RPTOR: variants seen among roughly 807,000 people sequenced by gnomAD.
RPTOR encodes the protein regulatory-associated protein of mTOR.
Under a neutral mutation model 169.9 loss-of-function variants are expected in RPTOR, and 21 were observed. That is an observed-to-expected ratio of 0.12 (90% CI 0.09 to 0.18). RPTOR has a LOEUF of 0.18. Among genes scored for constraint, RPTOR ranks in the 10% least tolerant of loss-of-function variants. The pLI, the probability that RPTOR is intolerant of heterozygous loss-of-function variation, is 1.00. For synonymous variants in RPTOR, 732 were observed against 753.2 expected (o/e 0.97, Z 0.46); for missense variants, 1,133 against 1,855.9 (o/e 0.61, Z 7.16).
At chr17:80,679,003 C>T (rs1218947634) in intron 3 of RPTOR, among the ~76,000 whole-genome samples, 1 of 152,258 alleles carries the variant, frequency 6.6e-6, no homozygotes, top group Non-Finnish European at 1.5e-5. Context: ...TCTCGCTCTT[C>T]ACAAGAAGTG....
chr17:80,597,626 T>A (rs554603939), intron 1 of RPTOR, among the ~76,000 whole-genome samples: 2 of 152,158 alleles, frequency 1.3e-5, no homozygotes, highest in African/African-American at 4.8e-5. Context: ...TCCTGGCTCC[T>A]CAGCTACCTA....
intron 3 of RPTOR, among the ~76,000 whole-genome samples, chr17:80,694,416 C>T (rs967797382): frequency 1.3e-5 from 2 of 152,236 alleles, no homozygotes; most frequent in Non-Finnish European, 2.9e-5. Context: ...TTGCGTTGGT[C>T]GGCCTCCACA....
chr17:80,850,869 C>G (rs1222872338), intron 11 of RPTOR, among the ~76,000 whole-genome samples: 2 of 152,244 alleles, frequency 1.3e-5, no homozygotes, highest in East Asian at 1.9e-4. Flanking sequence ...AGAATCTTTT[C>G]TTATGAAGCA....
intron 6 of RPTOR, among the ~76,000 whole-genome samples, chr17:80,768,350 G>A (rs2066808746): frequency 1.3e-5 from 2 of 152,220 alleles, no homozygotes; most frequent in South Asian, 4.1e-4. Flanking sequence ...ACTTTTGTGA[G>A]AGTTTGAATG....
At chr17:80,676,755 A>T (rs1284549389) in intron 3 of RPTOR, among the ~76,000 whole-genome samples, 3 of 152,318 alleles carry the variant, frequency 2.0e-5, no homozygotes, top group Non-Finnish European at 1.5e-5. Flanking sequence ...CTGCAGCAGA[A>T]CCGGGCAGGC....
chr17:80,591,627 C>T (rs1377715530), intron 1 of RPTOR, among the ~76,000 whole-genome samples: 11 of 152,100 alleles, frequency 7.2e-5, no homozygotes. Context: ...AATCCACCTG[C>T]CTTAGCCTCC....
intron 6 of RPTOR, among the ~76,000 whole-genome samples, chr17:80,788,951 A>T (rs993896419): frequency 3.9e-5 from 6 of 152,260 alleles, no homozygotes; most frequent in African/African-American, 1.2e-4. Flanking sequence ...CAATTCTGGT[A>T]TAAAGAGAAT....
At position 80,857,840 on chromosome 17, in the gene RPTOR, G is replaced by T. The variant is rs199634293; in HGVS notation, c.1449G>T (p.Ser483=). 8 of 1,612,998 alleles carry T rather than the reference G, an allele frequency of 5.0e-6. No individual in the cohort carries two copies. The highest frequency in any genetic ancestry group is 1.1e-5 in the South Asian group (1 of 91,082). Residue 483 remains serine, a synonymous_variant, in exon 13 of 34, where the codon TCG becomes TCT. Coordinates refer to ENST00000306801, the MANE Select transcript of RPTOR (RefSeq NM_020761.3). ...FPYVLKLLQS[S]ARELRPLLVF... ...ACGTGCTGAAGCTGCTCCAGAGCTCGGCCCGAGAGCTGCGGCCACTTCTCG... is the reference window on the plus strand; with the variant it reads ...ACGTGCTGAAGCTGCTCCAGAGCTCTGCCCGAGAGCTGCGGCCACTTCTCG...
At chr17:80,656,535 T>C (rs1032382183) in intron 3 of RPTOR, among the ~76,000 whole-genome samples, 4 of 152,244 alleles carry the variant, frequency 2.6e-5, no homozygotes, top group Non-Finnish European at 5.9e-5. Context: ...CACAAAACCC[T>C]TCTATGTGCC....
intron 4 of RPTOR, among the ~76,000 whole-genome samples, chr17:80,717,234 T>C (rs933518386): frequency 1.3e-5 from 2 of 152,192 alleles, no homozygotes; most frequent in African/African-American, 4.8e-5. Flanking sequence ...GTGGTCTGTT[T>C]TTCTCCACAG....
chr17:80,843,351 G>A (rs559792540), intron 10 of RPTOR, among the ~76,000 whole-genome samples: 2 of 152,242 alleles, frequency 1.3e-5, no homozygotes, highest in East Asian at 3.9e-4. Context: ...GAACCCAGGG[G>A]CAGAGGTTGC....
intron 10 of RPTOR, among the ~76,000 whole-genome samples, chr17:80,843,135 C>A (rs971964535): frequency 1.3e-5 from 2 of 152,280 alleles, no homozygotes; most frequent in African/African-American, 2.4e-5. Flanking sequence ...CTGCAAAGAA[C>A]CTGCTGGATT....
chr17:80,849,797 C>T (rs1045974273), intron 11 of RPTOR, among the ~76,000 whole-genome samples: 5 of 152,192 alleles, frequency 3.3e-5, no homozygotes, highest in Non-Finnish European at 5.9e-5. Flanking sequence ...GGATTACAGG[C>T]GTGAACGACC....
intron 5 of RPTOR, among the ~76,000 whole-genome samples, chr17:80,743,869 G>C (rs2066521003): frequency 8.2e-6 from 1 of 121,252 alleles, no homozygotes; most frequent in Non-Finnish European, 1.8e-5. Flanking sequence ...CTGGCTACTA[G>C]CACAGCCCTG....
intron 7 of RPTOR, among the ~76,000 whole-genome samples, chr17:80,797,073 T>TC (rs1323998323): frequency 1.2e-4 from 18 of 152,350 alleles, no homozygotes; most frequent in African/African-American, 4.1e-4. Context: ...TGGATTTTGT[T>TC]CCCCAATTAT....
At position 80,964,185 on chromosome 17, in the gene RPTOR, G is replaced by A. The variant is rs989602344; in HGVS notation, c.3940-77G>A. 6 of 1,159,714 alleles carry A rather than the reference G, an allele frequency of 5.2e-6. No homozygotes were observed. The African/African-American group carries it at 7.5e-5, about 14-fold the overall frequency. The allele number at this position is 1,159,714 out of a possible 1,614,324, so 71.8% of individuals were successfully genotyped here. A position where few individuals can be genotyped will look rare whatever the true frequency, so the allele number is the denominator to read the frequency against. ...CGGCAGGAGCTGCCTAAGGATGCGG[G>A]TTGGCCTGCGCCCCCCCGCCCCCCG... is the stretch of plus-strand genomic sequence containing the variant. On this transcript the variant is annotated intron_variant, in intron 33 of 33. Coordinates refer to ENST00000306801, the MANE Select transcript of RPTOR (RefSeq NM_020761.3).
rs542460969 is a variant in RPTOR at position 80,751,526 on chromosome 17, G to A, written c.655-2484G>A. Among the ~76,000 whole-genome samples, 22 of 152,266 alleles carry A rather than the reference G, an allele frequency of 1.4e-4. No homozygotes were observed. In the South Asian group the frequency reaches 4.6e-3, roughly 32 times the overall value. On this transcript the variant is annotated intron_variant, in intron 5 of 33. Transcript: ENST00000306801. ...CAACTAAAAGTAAGGAGCAAGGAAG[G>A]AGCAAAAATGCAGACACAGACACAT...
chr17:80,843,509 T>G (rs2067693332), intron 10 of RPTOR, among the ~76,000 whole-genome samples: 1 of 151,958 alleles, frequency 6.6e-6, no homozygotes, highest in Non-Finnish European at 1.5e-5. Context: ...TAATTGACTT[T>G]CTTAGGGGTG....
intron 4 of RPTOR, among the ~76,000 whole-genome samples, chr17:80,729,124 T>C (rs1205113951): frequency 1.3e-5 from 2 of 152,236 alleles, no homozygotes; most frequent in Admixed American, 6.5e-5. Flanking sequence ...TTTGTCTGCT[T>C]CTTTGCTGTG....
Sources: gnomAD v4.1 joint callset for allele counts (sites outside exome capture counted in the v4.1 genomes callset) on GRCh38, gnomAD v4.1.1 for gene constraint, MANE v1.5 for transcripts, NCBI Gene and HGNC (gene_info 2026-07-23, HGNC 2026-07-21) for gene names.